The following BCO1 variants were observed in gnomAD, a reference collection of about 807,000 sequenced individuals.
BCO1 encodes the protein beta-carotene oxygenase 1, also known as beta,beta-carotene 15,15'-dioxygenase.
BCO1 carries 54 observed loss-of-function variants against 56.3 expected under a neutral mutation model. The observed-to-expected ratio is 0.96, with a 90% CI of 0.77 to 1.20. The LOEUF is 1.20. Among genes scored for constraint, BCO1 ranks in the 50% most tolerant of loss-of-function variants. BCO1 has a pLI of 0.00. For synonymous variants in BCO1, 318 were observed against 266.1 expected (o/e 1.20, Z -1.90); for missense variants, 801 against 690.9 (o/e 1.16, Z -1.79).
chr16:81,258,819 G>A (rs551553392), intron 2 of BCO1, among the ~76,000 whole-genome samples: 5 of 152,298 alleles, frequency 3.3e-5, no homozygotes, highest in African/African-American at 7.2e-5. Context: ...TTTGGCTCAC[G>A]GTTCTGCAGG....
chr16:81,277,493 A>C (rs1907628398), intron 7 of BCO1, among the ~76,000 whole-genome samples: 1 of 152,150 alleles, frequency 6.6e-6, no homozygotes, highest in Admixed American at 6.6e-5. Flanking sequence ...ATTTAATCCT[A>C]ACATAATGCT....
At chr16:81,265,119 A>G (rs190460814) in intron 5 of BCO1, among the ~76,000 whole-genome samples, 5 of 151,868 alleles carry the variant, frequency 3.3e-5, no homozygotes, top group African/African-American at 1.2e-4. Context: ...CCATTCATGC[A>G]TCTACTCACC....
intron 1 of BCO1, 132 bp from the exon 2 acceptor site, chr16:81,245,343 C>G: frequency 7.4e-7 from 1 of 1,355,614 alleles, no homozygotes; most frequent in Non-Finnish European, 1.1e-6. Flanking sequence ...CTGGAAATGA[C>G]TGTAGAATAA....
intron 7 of BCO1, among the ~76,000 whole-genome samples, chr16:81,274,258 CTTTTT>C (rs755672295): frequency 2.5e-5 from 2 of 80,532 alleles, no homozygotes; most frequent in Non-Finnish European, 2.3e-5. Flanking sequence ...GCTTGTGTAT[CTTTTT>C]TTTTTTTTTT....
chr16:81,286,580 G>A lies in BCO1; in HGVS notation c.1303-715G>A, dbSNP rs557834528. Among the ~76,000 whole-genome samples, 13 of 152,318 alleles carry A rather than the reference G, an allele frequency of 8.5e-5. No homozygotes were observed. In the South Asian group the frequency reaches 2.7e-3, roughly 32 times the overall value. ...GATATGTTCGATATTTTTAGGCAGG[G>A]TGTGGTGGCTCACGCCTGTAATCCT... On this transcript the variant is annotated intron_variant, in intron 9 of 10. Transcript: ENST00000258168.
At chr16:81,259,147 A>G (rs929554529) in intron 2 of BCO1, among the ~76,000 whole-genome samples, 2 of 152,200 alleles carry the variant, frequency 1.3e-5, no homozygotes, top group Non-Finnish European at 2.9e-5. Context: ...ACCGTAACAC[A>G]TACTTATCCA....
In BCO1 at chr16:81,238,790, G is replaced by T; in HGVS notation, c.-119G>T. On this transcript the variant is annotated 5_prime_UTR_variant, in exon 1 of 11. It removes the in-frame stop codon of an upstream open reading frame in the 5' UTR. Coordinates refer to ENST00000258168, the MANE Select transcript of BCO1 (RefSeq NM_017429.3). Reference sequence around the variant, plus strand: ...ACGGCATCAGGAGAGACAGAGATGTGAAGGAGGGAAGGAGCAGGAGAGCAG... The same window carrying T: ...ACGGCATCAGGAGAGACAGAGATGTTAAGGAGGGAAGGAGCAGGAGAGCAG... The T allele has an allele frequency of 1.1e-6, 1 of 878,030 alleles. No homozygotes were observed. The highest frequency in any genetic ancestry group is 1.9e-6 in the Non-Finnish European group (1 of 520,432). 54.4% of individuals were successfully genotyped at this position (878,030 alleles called of 1,614,324 possible). A position where few individuals can be genotyped will look rare whatever the true frequency, so the allele number is the denominator to read the frequency against.
intron 9 of BCO1, among the ~76,000 whole-genome samples, chr16:81,287,064 A>C (rs1567467316): frequency 6.6e-6 from 1 of 152,066 alleles, no homozygotes; most frequent in Non-Finnish European, 1.5e-5. Flanking sequence ...AACAGCCTGG[A>C]AACTCCGTCT....
chr16:81,287,031 C>T (rs1179509237), intron 9 of BCO1, among the ~76,000 whole-genome samples: 1 of 151,752 alleles, frequency 6.6e-6, no homozygotes, highest in Non-Finnish European at 1.5e-5. Flanking sequence ...GCCAAGATCA[C>T]GCCATTGCAC....
At chr16:81,252,681 C>A (rs1295406850) in intron 2 of BCO1, among the ~76,000 whole-genome samples, 2 of 152,138 alleles carry the variant, frequency 1.3e-5, no homozygotes, top group Non-Finnish European at 1.5e-5. Context: ...ATCAGGGTGG[C>A]CTTAAGTGGG....
At chr16:81,268,468 C>T (rs992429878) in intron 6 of BCO1, among the ~76,000 whole-genome samples, 2 of 152,194 alleles carry the variant, frequency 1.3e-5, no homozygotes, top group Admixed American at 1.3e-4. Context: ...CTCCCCACCT[C>T]CGCCCTGTTG....
chr16:81,290,668 T>C lies in BCO1; in HGVS notation c.*91T>C. 1 of 1,031,170 alleles carries C rather than the reference T, an allele frequency of 9.7e-7. No homozygotes were observed. Among genetic ancestry groups the C allele is most frequent in the Non-Finnish European group, 1.5e-6 (1 of 686,292 alleles). The allele number at this position is 1,031,170 out of a possible 1,614,324, so 63.9% of individuals were successfully genotyped here. ...GATGGAGGGGAGGGCCTTTGTTACC[T>C]TTTGCACTTATTCTTTCTGTGGGTG... On this transcript the variant is annotated 3_prime_UTR_variant, in exon 11 of 11. Transcript: ENST00000258168.
chr16:81,269,880 G>A (rs370152458), intron 6 of BCO1, among the ~76,000 whole-genome samples: 38 of 152,300 alleles, frequency 2.5e-4, no homozygotes, highest in African/African-American at 7.2e-4. Flanking sequence ...ACACTGGAGC[G>A]TCTCTCCAAA....
chr16:81,284,081 T>G (rs945546208), intron 8 of BCO1, among the ~76,000 whole-genome samples: 1 of 150,900 alleles, frequency 6.6e-6, no homozygotes, highest in African/African-American at 2.4e-5. Context: ...TAGTCCTAGC[T>G]ACTTGGGAGG....
chr16:81,264,551 C>T (rs1367496909), intron 4 of BCO1, 89 bp from the exon 5 acceptor site: 2 of 1,499,662 alleles, frequency 1.3e-6, no homozygotes, highest in Admixed American at 1.7e-5. Context: ...GGACTTCAAC[C>T]TTTCTCCTTT....
chr16:81,267,339 G>A (rs776633875), intron 5 of BCO1, among the ~76,000 whole-genome samples: 1 of 152,094 alleles, frequency 6.6e-6, no homozygotes, highest in South Asian at 2.1e-4. Flanking sequence ...ATGGCCGGGC[G>A]CAGTGGCTCA....
At chr16:81,285,206 GA>G (rs899543998) in intron 8 of BCO1, among the ~76,000 whole-genome samples, 30 of 151,656 alleles carry the variant, frequency 2.0e-4, no homozygotes, top group Non-Finnish European at 2.4e-4. Flanking sequence ...GCACTTTTTT[GA>G]AAAAAAGCTT....
intron 5 of BCO1, 43 bp downstream of exon 5, chr16:81,264,830 T>A (rs758437920): frequency 6.2e-7 from 1 of 1,609,524 alleles, no homozygotes; most frequent in Admixed American, 1.7e-5. Flanking sequence ...AACAACCAAG[T>A]GTGGCTTCTT....
intron 7 of BCO1, among the ~76,000 whole-genome samples, chr16:81,277,035 C>T (rs1907596989): frequency 1.3e-5 from 2 of 148,436 alleles, no homozygotes; most frequent in Non-Finnish European, 3.0e-5. Flanking sequence ...CCACCGTATT[C>T]CGCCTGGATG....
Sources: allele counts gnomAD v4.1 joint callset (sites outside exome capture counted in the v4.1 genomes callset), GRCh38; gene constraint gnomAD v4.1.1; transcripts MANE v1.5; gene names NCBI Gene and HGNC (gene_info 2026-07-23, HGNC 2026-07-21).